Variants in ARHGAP11A observed in about 807,000 individuals in gnomAD.
The protein encoded by ARHGAP11A is rho GTPase-activating protein 11A.
ARHGAP11A carries 36 observed loss-of-function variants against 60.5 expected under a neutral mutation model. The ratio of observed to expected loss-of-function variants is 0.59; its 90% CI spans 0.46 to 0.79. ARHGAP11A has a LOEUF of 0.79. Among genes scored for constraint, ARHGAP11A ranks in the 30% least tolerant of loss-of-function variants. ARHGAP11A has a pLI of 0.00. For synonymous variants in ARHGAP11A, 362 were observed against 415.5 expected (o/e 0.87, Z 1.57); for missense variants, 1,071 against 1,199.2 (o/e 0.89, Z 1.58).
chr15:32,617,707 C>A (rs761143529), intron 1 of ARHGAP11A, among the ~76,000 whole-genome samples: 32 of 152,182 alleles, frequency 2.1e-4, no homozygotes, highest in Non-Finnish European at 4.3e-4. Flanking sequence ...CTCCTGCCCT[C>A]GTGATCCGCC....
intron 6 of ARHGAP11A, among the ~76,000 whole-genome samples, chr15:32,626,617 G>A (rs1028544940): frequency 2.6e-5 from 4 of 152,202 alleles, no homozygotes; most frequent in Non-Finnish European, 5.9e-5. Context: ...GGCTACTGTA[G>A]CAAAGTACTA....
chr15:32,620,311 C>T (rs2053265153), intron 2 of ARHGAP11A, 133 bp downstream of exon 2: 6 of 1,502,166 alleles, frequency 4.0e-6, no homozygotes, highest in Admixed American at 2.3e-5. Context: ...ATGGTGAGAC[C>T]TTGTCGCAAA....
In ARHGAP11A at chr15:32,623,448, A is replaced by G. The variant is rs747179273; in HGVS notation, c.201-44A>G. The G allele has an allele frequency of 5.3e-5, 82 of 1,554,350 alleles. 1 individual carries two copies. The highest frequency in any genetic ancestry group is 3.4e-4 in the Middle Eastern group (2 of 5,946). ...TCATGTATGTTAGCAGAGGAATAGG[A>G]TGTGATATGTATGTCTAGCCACCTG... On this transcript the variant is annotated intron_variant, in intron 2 of 11. Transcript: ENST00000361627.
rs780000611 is a variant in ARHGAP11A, at chr15:32,625,224, C to T, written c.696C>T (p.Ile232=). The T allele has an allele frequency of 8.7e-6, 14 of 1,610,272 alleles. No individual in the cohort carries two copies. In the Admixed American group the frequency reaches 1.0e-4, roughly 12 times the overall value. The stretch of plus-strand genomic sequence containing the variant: ...AGGCTGCAGTAGTACAGACTCTTAT[C>T]GATTATGCATCAGATATTGGTAAGA... ...RLQAAVVQTL[I]DYASDIGRVP... is the part of the protein sequence containing the mutation. The change falls in exon 5 of 12, where the codon ATC becomes ATT. Residue 232 remains isoleucine, a synonymous_variant. Transcript: ENST00000361627.
chr15:32,615,467 G>A (rs984592865), upstream of ARHGAP11A: 3 of 151,864 alleles, frequency 2.0e-5, no homozygotes, highest in Admixed American at 6.6e-5. Flanking sequence ...GCGCTGTTTC[G>A]CGCTGCCATT....
Position 32,634,026 on chromosome 15 carries a change from A to T in ARHGAP11A, c.1329A>T (p.Lys443Asn). ...RSLRLKFNLGKNGREVNGCSG... is the reference protein window; with the variant it reads ...RSLRLKFNLGNNGREVNGCSG... ...TGCGTTTGAAATTCAATCTAGGGAAAAATGGCAGAGAAGTAGTAAGTTTCT... is the reference window on the plus strand; with the variant it reads ...TGCGTTTGAAATTCAATCTAGGGAATAATGGCAGAGAAGTAGTAAGTTTCT... The change falls in exon 10 of 12, where the codon AAA (lysine) becomes AAT (asparagine). Residue 443 changes from lysine to asparagine, a missense_variant. Coordinates refer to ENST00000361627, the MANE Select transcript of ARHGAP11A (RefSeq NM_014783.6). The T allele has an allele frequency of 2.5e-6, 4 of 1,605,134 alleles. No homozygotes were observed. The highest frequency in any genetic ancestry group is 3.4e-6 in the Non-Finnish European group (4 of 1,176,762).
At chr15:32,617,898 T>A (rs2053200252) in intron 1 of ARHGAP11A, among the ~76,000 whole-genome samples, 1 of 152,206 alleles carries the variant, frequency 6.6e-6, no homozygotes, top group South Asian at 2.1e-4. Flanking sequence ...TAAGCTTCAG[T>A]TTTATATATA....
Position 32,636,503 on chromosome 15 carries a change from G to A in ARHGAP11A, c.1730G>A (p.Ser577Asn). Reference protein sequence around the residue: ...TPSNLNNKHNSNITSSPLSGD... With the variant: ...TPSNLNNKHNNNITSSPLSGD... Reference sequence around the variant, plus strand: ...TCCAATTTAAACAATAAGCATAATAGCAACATAACAAGTAGCCCTCTTAGC... The same window carrying A: ...TCCAATTTAAACAATAAGCATAATAACAACATAACAAGTAGCCCTCTTAGC... The change falls in exon 12 of 12, where the codon AGC becomes AAC. Residue 577 changes from serine (S) to asparagine (N), a missense_variant. Transcript: ENST00000361627. The A allele has an allele frequency of 6.2e-7, 1 of 1,613,992 alleles. No homozygotes were observed. The highest frequency in any genetic ancestry group is 8.5e-7 in the Non-Finnish European group (1 of 1,179,946).
intron 3 of ARHGAP11A, 32 bp downstream of exon 3, chr15:32,623,620 T>C (rs371641153): frequency 1.1e-5 from 18 of 1,591,658 alleles, no homozygotes; most frequent in Non-Finnish European, 1.5e-5. Flanking sequence ...TAATTTTTCA[T>C]TTGAGCCATT....
chr15:32,620,670 T>C (rs1383232788), intron 2 of ARHGAP11A, among the ~76,000 whole-genome samples: 1 of 152,118 alleles, frequency 6.6e-6, no homozygotes, highest in South Asian at 2.1e-4. Flanking sequence ...TTTTGTTCTG[T>C]TAAGTCAGTT....
intron 2 of ARHGAP11A, among the ~76,000 whole-genome samples, 186 bp from the exon 3 acceptor site, chr15:32,623,306 T>C (rs1302838360): frequency 6.6e-6 from 1 of 152,188 alleles, no homozygotes; most frequent in African/African-American, 2.4e-5. Flanking sequence ...AGTAAAAAGA[T>C]GGGCCTTGGA....
In ARHGAP11A at chr15:32,616,261, C is replaced by T; in HGVS notation, c.50C>T (p.Ala17Val). The stretch of plus-strand genomic sequence containing the variant: ...TTGGCCCTGTTGCAGCATCTGCGGG[C>T]CTTCTATGGTATTAAGGTGAAGGGT... ...VRLALLQHLR[A>V]FYGIKVKGVR... Residue 17 changes from alanine (A) to valine (V), a missense_variant, in exon 1 of 12, where the codon GCC becomes GTC. This residue lies in a region of ARHGAP11A where 28 missense variants were observed against 24.5 expected (regional missense o/e 1.14). Transcript: ENST00000361627. 6.2e-7 allele frequency: 1 copy of T among 1,613,940 alleles called. No homozygotes were observed. Among genetic ancestry groups the T allele is most frequent in the South Asian group, 1.1e-5 (1 of 91,058 alleles).
intron 1 of ARHGAP11A, among the ~76,000 whole-genome samples, chr15:32,619,349 G>A (rs899642744): frequency 5.9e-5 from 9 of 152,184 alleles, no homozygotes; most frequent in Non-Finnish European, 1.3e-4. Context: ...TAAGAGGTTC[G>A]AATGCATGCA....
intron 1 of ARHGAP11A, among the ~76,000 whole-genome samples, chr15:32,619,163 A>C (rs1251869105): frequency 6.8e-6 from 1 of 146,922 alleles, no homozygotes; most frequent in Non-Finnish European, 1.5e-5. Flanking sequence ...CTCATAAAAC[A>C]TAAATACTTC....
intron 1 of ARHGAP11A, among the ~76,000 whole-genome samples, chr15:32,618,225 G>C (rs1440069477): frequency 6.6e-6 from 1 of 152,156 alleles, no homozygotes; most frequent in Non-Finnish European, 1.5e-5. Flanking sequence ...CATTTTATGA[G>C]ATTAAATTAT....
chr15:32,619,465 A>G (rs2053244207), intron 1 of ARHGAP11A, among the ~76,000 whole-genome samples: 1 of 152,156 alleles, frequency 6.6e-6, no homozygotes, highest in Admixed American at 6.5e-5. Flanking sequence ...TTTGAATGTG[A>G]GGTTTTAAAA....
At chr15:32,621,781 C>T (rs1226629031) in intron 2 of ARHGAP11A, among the ~76,000 whole-genome samples, 1 of 149,476 alleles carries the variant, frequency 6.7e-6, no homozygotes, top group Non-Finnish European at 1.5e-5. Context: ...AAAATTGTAC[C>T]ACTGCACTCC....
In ARHGAP11A at chr15:32,628,332, TATA is replaced by T. The variant is rs1179153567; in HGVS notation, c.863-393_863-391del. On this transcript the variant is annotated intron_variant, in intron 6 of 11. Coordinates refer to ENST00000361627, the MANE Select transcript of ARHGAP11A (RefSeq NM_014783.6). ...TTCATTTGCTTACACTATTTATTGA[TATA>T]ATGTTTTTACTTCCATCTCTACTGA... Among the ~76,000 whole-genome samples the T allele has an allele frequency of 1.5e-4, 23 of 152,364 alleles. No homozygotes were observed. The South Asian group carries it at 3.3e-3, about 22-fold the overall frequency.
chr15:32,621,566 C>T (rs1320557464), intron 2 of ARHGAP11A, among the ~76,000 whole-genome samples: 1 of 152,298 alleles, frequency 6.6e-6, no homozygotes, highest in Non-Finnish European at 1.5e-5. Flanking sequence ...GGGCTCACGC[C>T]TGTAATCCCA....
Sources: allele counts gnomAD v4.1 joint callset (sites outside exome capture counted in the v4.1 genomes callset), GRCh38; gene constraint gnomAD v4.1.1; regional missense constraint gnomAD v4.1.1; transcripts MANE v1.5; gene names NCBI Gene and HGNC (gene_info 2026-07-23, HGNC 2026-07-21).